Variants in VEZF1 observed in about 807,000 individuals in gnomAD.
The protein encoded by VEZF1 is putative transcription factor DB1.
Under a neutral mutation model 44.1 loss-of-function variants are expected in VEZF1, and 5 were observed. The ratio of observed to expected loss-of-function variants is 0.11; its 90% CI spans 0.06 to 0.24. The LOEUF is 0.24. VEZF1 is among the 10% of genes least tolerant of loss of function. The probability of loss-of-function intolerance (pLI) is 1.00; values close to 1 mark genes in which losing one functional copy is unlikely to be tolerated. For missense variants in VEZF1, 358 were observed against 641.8 expected (o/e 0.56, Z 4.78); for synonymous variants, 236 against 233.1 (o/e 1.01, Z -0.11).
chr17:57,974,926 T>C lies in VEZF1; in HGVS notation c.1139-26A>G, dbSNP rs552943863. On this transcript the variant is annotated intron_variant, in intron 5 of 5. Transcript: ENST00000581208. The stretch of plus-strand genomic sequence containing the variant: ...CTAAAATAAGAAGAAAAAGGGTCTT[T>C]AGATTCTCAAAACAGTGAGCAAAAT... 139 of 1,587,442 alleles carry C rather than the reference T, an allele frequency of 8.8e-5. 1 individual carries two copies. The highest frequency in any genetic ancestry group is 9.5e-5 in the African/African-American group (7 of 74,070).
At chr17:57,978,819 C>G (rs996840741) in intron 5 of VEZF1, among the ~76,000 whole-genome samples, 5 of 152,068 alleles carry the variant, frequency 3.3e-5, no homozygotes, top group African/African-American at 1.2e-4. Context: ...AAAAAAAGCC[C>G]ATAATGCATG....
chr17:57,974,955 C>T, intron 5 of VEZF1, 55 bp from the exon 6 acceptor site: 1 of 1,531,238 alleles, frequency 6.5e-7, no homozygotes, highest in Non-Finnish European at 8.8e-7. Context: ...GCAAAATTCA[C>T]AAAGTTTCTG....
In VEZF1 at chr17:57,981,930, G is replaced by A; in HGVS notation, c.735C>T (p.Asp245=). The change falls in exon 3 of 6, where the codon GAC becomes GAT. Residue 245 remains aspartate (D), a synonymous_variant. Coordinates refer to ENST00000581208, the MANE Select transcript of VEZF1 (RefSeq NM_007146.3). The stretch of plus-strand genomic sequence containing the variant: ...CATGTTTTACATGACAGCTTAAGTG[G>A]TCAGGCCTGTGAAAAAGAGAGTTTC... The part of the protein sequence containing the change: ...SVCGKGFSRP[D]HLSCHVKHVH... The A allele has an allele frequency of 1.9e-6, 3 of 1,614,102 alleles. No individual in the cohort carries two copies. Among genetic ancestry groups the A allele is most frequent in the Non-Finnish European group, 1.7e-6 (2 of 1,179,980 alleles).
At position 57,983,324 on chromosome 17, in the gene VEZF1, C is replaced by T. The variant is rs369149975; in HGVS notation, c.103G>A (p.Val35Met). Residue 35 changes from valine to methionine, a missense_variant, in exon 2 of 6, where the codon GTG (valine) becomes ATG (methionine). Transcript: ENST00000581208. ...AATGGTTTCTGATCAGGGGGCTCCACGGCAGAGCTCAGGAGGGGCAGCAAG... is the reference window on the plus strand; with the variant it reads ...AATGGTTTCTGATCAGGGGGCTCCATGGCAGAGCTCAGGAGGGGCAGCAAG... Reference protein sequence around the residue: ...NSLLPLLSSAVEPPDQKPLLP... With the variant: ...NSLLPLLSSAMEPPDQKPLLP... 21 of 1,613,986 alleles carry T rather than the reference C, an allele frequency of 1.3e-5. No individual in the cohort carries two copies. The South Asian group carries it at 1.3e-4, about 10-fold the overall frequency.
intron 1 of VEZF1, chr17:57,985,544 G>T: frequency 1.3e-6 from 1 of 745,240 alleles, no homozygotes; most frequent in Non-Finnish European, 1.6e-6. Flanking sequence ...TAACTTCTGG[G>T]TAGGCTTTTA....
At chr17:57,984,570 G>A (rs1210991829) in intron 1 of VEZF1, among the ~76,000 whole-genome samples, 7 of 152,094 alleles carry the variant, frequency 4.6e-5, no homozygotes, top group African/African-American at 1.4e-4. Context: ...AGCATACAAT[G>A]TCCTACTAGG....
intron 1 of VEZF1, among the ~76,000 whole-genome samples, 176 bp downstream of exon 1, chr17:57,987,903 C>A (rs1347474703): frequency 6.6e-6 from 1 of 151,898 alleles, no homozygotes; most frequent in Non-Finnish European, 1.5e-5. Context: ...AGGCCGCCTC[C>A]TTTCACCTCA....
intron 1 of VEZF1, among the ~76,000 whole-genome samples, chr17:57,986,577 GT>G (rs1487015899): frequency 6.6e-6 from 1 of 152,148 alleles, no homozygotes; most frequent in Non-Finnish European, 1.5e-5. Flanking sequence ...AAAGGGGGAA[GT>G]TCATGAATTC....
chr17:57,978,433 T>C (rs141865746), intron 5 of VEZF1, among the ~76,000 whole-genome samples: 1 of 152,234 alleles, frequency 6.6e-6, no homozygotes, highest in African/African-American at 2.4e-5. Context: ...AATGATTCAT[T>C]TGAAATGGCT....
Position 57,979,261 on chromosome 17 carries a change from C to T in VEZF1, c.1029G>A (p.Gln343=), listed in dbSNP as rs772000558. ...SNQKQQQQQQ[Q]QQQQQQQQQQ... is the part of the protein sequence containing the mutation. Reference sequence around the variant, plus strand: ...GTTGTTGTTGCTGCTGCTGCTGCTGCTGCTGCTGCTGCTGCTGCTGCTTTT... The same window carrying T: ...GTTGTTGTTGCTGCTGCTGCTGCTGTTGCTGCTGCTGCTGCTGCTGCTTTT... The change falls in exon 5 of 6, where the codon CAG becomes CAA. Residue 343 remains glutamine, a synonymous_variant. Transcript: ENST00000581208. The T allele has an allele frequency of 6.2e-7, 1 of 1,610,636 alleles. No individual in the cohort carries two copies. The highest frequency in any genetic ancestry group is 8.5e-7 in the Non-Finnish European group (1 of 1,177,394).
intron 1 of VEZF1, chr17:57,985,500 C>A (rs952011665): frequency 1.1e-6 from 1 of 941,812 alleles, no homozygotes; most frequent in African/African-American, 1.8e-5. Flanking sequence ...ACAACCACGG[C>A]CAGCCTTCAG....
Position 57,983,096 on chromosome 17 carries a change from T to C in VEZF1, c.331A>G (p.Thr111Ala). 2 of 1,614,134 alleles carry C rather than the reference T, an allele frequency of 1.2e-6. No individual in the cohort carries two copies. Among genetic ancestry groups the C allele is most frequent in the Non-Finnish European group, 1.7e-6 (2 of 1,180,004 alleles). ...ATGGTAGAGATAAGGGGAACCACCGTGGTGGGGGTTTTCTTTGGCCGGGAC... is the reference window on the plus strand; with the variant it reads ...ATGGTAGAGATAAGGGGAACCACCGCGGTGGGGGTTTTCTTTGGCCGGGAC... The part of the protein sequence containing the change: ...LVSRPKKTPT[T>A]VVPLISTIAG... Residue 111 changes from threonine (T) to alanine (A), a missense_variant, in exon 2 of 6, where the codon ACG (threonine) becomes GCG (alanine). By Grantham distance (58) the Thr-to-Ala change is moderately conservative. Coordinates refer to ENST00000581208, the MANE Select transcript of VEZF1 (RefSeq NM_007146.3).
chr17:57,988,126 ACCC>A lies in VEZF1; in HGVS notation c.-18_-16del. 2 of 774,962 alleles carry A rather than the reference ACCC, an allele frequency of 2.6e-6. No homozygotes were observed. The highest frequency in any genetic ancestry group is 3.3e-6 in the Non-Finnish European group (2 of 615,034). 48.0% of individuals were successfully genotyped at this position (774,962 alleles called of 1,614,324 possible). On this transcript the variant is annotated 5_prime_UTR_variant, in exon 1 of 6. Transcript: ENST00000581208. ...TTGGCCTCCATGGCTGCGGCGGCCG[ACCC>A]CCCTCCTCCCCACTCCCCCCGCTCG...
Position 57,980,849 on chromosome 17 carries a change from C to T in VEZF1, c.793-63G>A, listed in dbSNP as rs149585397. 2.5e-4 allele frequency: 386 copies of T among 1,548,528 alleles called. 2 individuals carry two copies. In the African/African-American group the frequency reaches 4.7e-3, roughly 19 times the overall value. Reference sequence around the variant, plus strand: ...ATCCTGTTCTACTCATTTTGAAGTACGTTATATTCTGTGCATTACCCTATC... The same window carrying T: ...ATCCTGTTCTACTCATTTTGAAGTATGTTATATTCTGTGCATTACCCTATC... On this transcript the variant is annotated intron_variant, in intron 3 of 5. Coordinates refer to ENST00000581208, the MANE Select transcript of VEZF1 (RefSeq NM_007146.3).
At chr17:57,976,271 C>A (rs528113151) in intron 5 of VEZF1, among the ~76,000 whole-genome samples, 7 of 152,160 alleles carry the variant, frequency 4.6e-5, no homozygotes, top group Non-Finnish European at 8.8e-5. Context: ...GTCTTATCAC[C>A]GCAGGGGGAC....
chr17:57,975,611 CA>C (rs1472033689), intron 5 of VEZF1, among the ~76,000 whole-genome samples: 2 of 152,212 alleles, frequency 1.3e-5, no homozygotes, highest in Non-Finnish European at 2.9e-5. Context: ...AAATACTCCT[CA>C]ATAAGTTCAT....
chr17:57,974,453 T>G lies in VEZF1; in HGVS notation c.*20A>C. 1 of 1,591,790 alleles carries G rather than the reference T, an allele frequency of 6.3e-7. No individual in the cohort carries two copies. Among genetic ancestry groups the G allele is most frequent in the Non-Finnish European group, 8.6e-7 (1 of 1,163,784 alleles). On this transcript the variant is annotated 3_prime_UTR_variant, in exon 6 of 6. Transcript: ENST00000581208. ...TGGTAAATATTTACTTTTACCCATATTTTGATTTTATAATACTGTTTACCA... is the reference window on the plus strand; with the variant it reads ...TGGTAAATATTTACTTTTACCCATAGTTTGATTTTATAATACTGTTTACCA...
In VEZF1 at chr17:57,971,932, C is replaced by T. The variant is rs374295189; in HGVS notation, c.*2541G>A. On this transcript the variant is annotated 3_prime_UTR_variant, in exon 6 of 6. Transcript: ENST00000581208. ...TCAACATCGAAACTCAATTCCAGTT[C>T]CAAGACACAGAATTTCATCACACAA... 1.3e-5 allele frequency: 2 copies of T among 152,568 alleles called. No homozygotes were observed. Among genetic ancestry groups the T allele is most frequent in the South Asian group, 2.1e-4 (1 of 4,826 alleles). 9.5% of individuals were successfully genotyped at this position (152,568 alleles called of 1,614,324 possible).
At chr17:57,974,980 C>A in intron 5 of VEZF1, 80 bp from the exon 6 acceptor site, 1 of 1,438,042 alleles carries the variant, frequency 7.0e-7, no homozygotes. Context: ...AATTTCTTTT[C>A]ATTAAAAATG....
Sources: allele counts gnomAD v4.1 joint callset (sites outside exome capture counted in the v4.1 genomes callset), GRCh38; gene constraint gnomAD v4.1.1; transcripts MANE v1.5; gene names NCBI Gene and HGNC (gene_info 2026-07-23, HGNC 2026-07-21).